The following RBFOX1 variants were observed in gnomAD, a reference collection of about 807,000 sequenced individuals.
The protein encoded by RBFOX1 is RNA binding fox-1 homolog 1.
Under a neutral mutation model 57.7 loss-of-function variants are expected in RBFOX1, and 8 were observed. The observed-to-expected ratio is 0.14, with a 90% CI of 0.08 to 0.25. RBFOX1 has a LOEUF of 0.25. Among genes scored for constraint, RBFOX1 ranks in the 10% least tolerant of loss-of-function variants. The pLI is 1.00. For missense variants in RBFOX1, 611 were observed against 548.5 expected (o/e 1.11, Z -1.14); for synonymous variants, 326 against 222.4 (o/e 1.47, Z -4.15).
chr16:5,741,722 G>A (rs559433091), intron 3 of RBFOX1, among the ~76,000 whole-genome samples: 1 of 152,274 alleles, frequency 6.6e-6, no homozygotes, highest in South Asian at 2.1e-4. Flanking sequence ...TTAAAGTGGT[G>A]ACATTTGTAA....
chr16:7,459,184 GGAT>G (rs1478092759), intron 4 of RBFOX1, among the ~76,000 whole-genome samples: 1 of 152,102 alleles, frequency 6.6e-6, no homozygotes, highest in Non-Finnish European at 1.5e-5. Flanking sequence ...GTGGGTGGAT[GGAT>G]GGGCAAAAGA....
chr16:6,170,175 G>A (rs983818185), intron 1 of RBFOX1, among the ~76,000 whole-genome samples: 5 of 152,168 alleles, frequency 3.3e-5, no homozygotes, highest in Non-Finnish European at 5.9e-5. Context: ...GTGAGGCTAT[G>A]GCATGAGGAA....
intron 1 of RBFOX1, among the ~76,000 whole-genome samples, chr16:6,126,878 A>G (rs1376923864): frequency 2.0e-5 from 3 of 152,228 alleles, no homozygotes; most frequent in Non-Finnish European, 4.4e-5. Flanking sequence ...CTGAGAAGCC[A>G]GCTTACAAAG....
intron 4 of RBFOX1, among the ~76,000 whole-genome samples, chr16:7,068,105 T>G (rs982563200): frequency 6.6e-6 from 1 of 152,088 alleles, no homozygotes; most frequent in Non-Finnish European, 1.5e-5. Context: ...AGGGTTCATG[T>G]GATTACGTTG....
Position 5,806,595 on chromosome 16 carries a change from G to A in RBFOX1, c.319-60708G>A, listed in dbSNP as rs1451916619. 2.6e-5 allele frequency among the ~76,000 whole-genome samples: 4 copies of A among 152,218 alleles called. No homozygotes were observed. The East Asian group carries it at 7.7e-4, about 29-fold the overall frequency. On this transcript the variant is annotated intron_variant, in intron 3 of 19. Transcript: ENST00000641259. ...TTCCAACCTTAGCAGAGGTGAACAA[G>A]TTGCAAGTCTGCTTTGCTGTTCAAG...
intron 2 of RBFOX1, among the ~76,000 whole-genome samples, chr16:6,413,343 G>T (rs1314344678): frequency 1.4e-5 from 2 of 146,284 alleles, no homozygotes; most frequent in Non-Finnish European, 1.5e-5. Flanking sequence ...AAAAAAAATT[G>T]TAGAGATAGG....
At chr16:6,617,216 G>A (rs554929186) in intron 2 of RBFOX1, among the ~76,000 whole-genome samples, 2 of 151,690 alleles carry the variant, frequency 1.3e-5, no homozygotes, top group African/African-American at 4.8e-5. Flanking sequence ...TGAAACTTCT[G>A]CTTGGAAAAA....
At chr16:7,155,457 A>G (rs1183878228) in intron 4 of RBFOX1, among the ~76,000 whole-genome samples, 4 of 151,708 alleles carry the variant, frequency 2.6e-5, no homozygotes, top group Non-Finnish European at 5.9e-5. Context: ...ATAGCAAGGC[A>G]TGGTGGTATG....
At chr16:5,400,504 A>G (rs527748455) in intron 1 of RBFOX1, among the ~76,000 whole-genome samples, 2 of 152,310 alleles carry the variant, frequency 1.3e-5, no homozygotes, top group African/African-American at 4.8e-5. Context: ...CAAAATTGAA[A>G]TCATACCATG....
intron 4 of RBFOX1, chr16:7,431,221 T>C (rs2098676510): frequency 6.6e-6 from 1 of 152,148 alleles, no homozygotes. Context: ...ATGTCTTTTA[T>C]TATTATTGTT....
chr16:6,349,775 TC>T (rs1379038009), intron 2 of RBFOX1, among the ~76,000 whole-genome samples: 1 of 152,210 alleles, frequency 6.6e-6, no homozygotes, highest in Admixed American at 6.5e-5. Context: ...GGGTTGGATA[TC>T]TTCTCCATTT....
chr16:7,052,732 C>G (rs1009016495), intron 4 of RBFOX1, among the ~76,000 whole-genome samples: 2 of 152,156 alleles, frequency 1.3e-5, no homozygotes, highest in East Asian at 1.9e-4. Flanking sequence ...TGACATTGTT[C>G]TGCTTTCATT....
chr16:6,681,186 C>T (rs1287841364), intron 3 of RBFOX1, among the ~76,000 whole-genome samples: 1 of 152,066 alleles, frequency 6.6e-6, no homozygotes, highest in Admixed American at 6.6e-5. Flanking sequence ...ATGGCACGTG[C>T]CTGTAGTCCC....
rs534718544 is a variant in RBFOX1 at position 6,100,033 on chromosome 16, G to C, written c.-127+80041G>C. On this transcript the variant is annotated intron_variant, in intron 1 of 15. Transcript: ENST00000550418. ...ATGGAAGATGTGACTTAGGAATGTTGAGCACATATTATTCTTTTTATAAAA... is the reference window on the plus strand; with the variant it reads ...ATGGAAGATGTGACTTAGGAATGTTCAGCACATATTATTCTTTTTATAAAA... Among the ~76,000 whole-genome samples the C allele has an allele frequency of 3.3e-4, 51 of 152,304 alleles. 1 individual carries two copies. The highest frequency in any genetic ancestry group is 1.2e-3 in the African/African-American group (49 of 41,580).
chr16:6,937,107 TAAA>T (rs778233289), intron 3 of RBFOX1, among the ~76,000 whole-genome samples: 1 of 151,742 alleles, frequency 6.6e-6, no homozygotes, highest in Non-Finnish European at 1.5e-5. Flanking sequence ...AAAAAATAAA[TAAA>T]AAAAGATCCA....
intron 3 of RBFOX1, among the ~76,000 whole-genome samples, chr16:6,921,805 A>T (rs1201144152): frequency 6.6e-6 from 1 of 152,010 alleles, no homozygotes; most frequent in Admixed American, 6.6e-5. Flanking sequence ...CATGAACATA[A>T]TCACCATGTA....
intron 2 of RBFOX1, among the ~76,000 whole-genome samples, chr16:6,495,662 G>A (rs920685625): frequency 2.0e-5 from 3 of 152,164 alleles, no homozygotes; most frequent in African/African-American, 7.2e-5. Flanking sequence ...ACAGATGGAT[G>A]CCTCTTATGG....
At chr16:5,658,838 A>G (rs976266482) in intron 3 of RBFOX1, among the ~76,000 whole-genome samples, 1 of 148,312 alleles carries the variant, frequency 6.7e-6, no homozygotes, top group Non-Finnish European at 1.5e-5. Flanking sequence ...ATATGTATAT[A>G]TATAATATAT....
intron 14 of RBFOX1, 64 bp downstream of exon 14, chr16:7,676,902 G>C (rs1042839228): frequency 1.0e-5 from 15 of 1,482,374 alleles, no homozygotes; most frequent in South Asian, 7.9e-5. Context: ...TGGGAGAGGA[G>C]ATTCTTGTAT....
Sources: allele counts gnomAD v4.1 joint callset (sites outside exome capture counted in the v4.1 genomes callset), GRCh38; gene constraint gnomAD v4.1.1; transcripts MANE v1.5; gene names NCBI Gene and HGNC (gene_info 2026-07-23, HGNC 2026-07-21).